The following SGIP1 variants were observed in gnomAD, a reference collection of about 807,000 sequenced individuals.
The protein encoded by SGIP1 is SH3-containing GRB2-like protein 3-interacting protein 1.
A neutral mutation model predicts 107.5 loss-of-function variants in SGIP1; 38 were observed. The observed-to-expected ratio is 0.35, with a 90% CI of 0.27 to 0.46. The LOEUF (loss-of-function observed/expected upper bound fraction) is 0.46. SGIP1 is among the 20% of genes least tolerant of loss of function. SGIP1 has a pLI of 1.00. For synonymous variants in SGIP1, 365 were observed against 366.1 expected, an observed-to-expected ratio of 1.00 and a Z score of 0.03; for missense variants, 929 against 1,019.5, an observed-to-expected ratio of 0.91 and a Z score of 1.21.
At chr1:66,710,183 A>G (rs147451111) in intron 18 of SGIP1, among the ~76,000 whole-genome samples, 2 of 152,268 alleles carry the variant, frequency 1.3e-5, no homozygotes, top group East Asian at 3.9e-4. Context: ...CACTTCAGCT[A>G]AGATTCACAA....
chr1:66,660,628 GT>G, intron 8 of SGIP1, 104 bp downstream of exon 8: 1 of 1,099,718 alleles, frequency 9.1e-7, no homozygotes, highest in South Asian at 1.3e-5. Context: ...CCTAAACAAG[GT>G]TTTGAACTTT....
At position 66,742,363 on chromosome 1, in the gene SGIP1, T is replaced by G. The variant is rs113360672; in HGVS notation, c.2465-710T>G. On this transcript the variant is annotated intron_variant, in intron 24 of 24. Transcript: ENST00000371037. ...AGTGATTTGCTGGGATAAATCCTGGTTTTTTTATGTCTATTGTACTGATGT... is the reference window on the plus strand; with the variant it reads ...AGTGATTTGCTGGGATAAATCCTGGGTTTTTTATGTCTATTGTACTGATGT... Among the ~76,000 whole-genome samples, 1,104 of 151,890 alleles carry G rather than the reference T, an allele frequency of 7.3e-3. 12 individuals are homozygous for G. The highest frequency in any genetic ancestry group is 0.026 in the African/African-American group (1,063 of 41,422).
At chr1:66,634,016 TG>T in intron 3 of SGIP1, 1 of 1,422,678 alleles carries the variant, frequency 7.0e-7, no homozygotes, top group South Asian at 1.2e-5. Context: ...TACCATGAAA[TG>T]TTAAGAAAAT....
Position 66,555,227 on chromosome 1 carries a change from CA to C in SGIP1, c.10+20860del, listed in dbSNP as rs575147365. Among the ~76,000 whole-genome samples the C allele has an allele frequency of 1.9e-4, 29 of 152,242 alleles. No homozygotes were observed. The South Asian group carries it at 6.0e-3, about 32-fold the overall frequency. On this transcript the variant is annotated intron_variant, in intron 1 of 24. Transcript: ENST00000371037. ...CCTTCATGTGTGCCCTCCTCATATACATAGTGCTCACTTCTTGCTCACATCT... is the reference window on the plus strand; with the variant it reads ...CCTTCATGTGTGCCCTCCTCATATACTAGTGCTCACTTCTTGCTCACATCT...
intron 1 of SGIP1, among the ~76,000 whole-genome samples, chr1:66,552,526 T>C (rs2057568050): frequency 6.6e-6 from 1 of 152,130 alleles, no homozygotes; most frequent in South Asian, 2.1e-4. Context: ...ACAGGCAAGT[T>C]TATATAGCAG....
chr1:66,542,529 G>T (rs544150721), intron 1 of SGIP1, among the ~76,000 whole-genome samples: 1 of 152,188 alleles, frequency 6.6e-6, no homozygotes, highest in African/African-American at 2.4e-5. Flanking sequence ...TGACTGAGAC[G>T]ACTACTAAGT....
At chr1:66,671,071 G>T in intron 10 of SGIP1, 52 bp downstream of exon 10, 1 of 967,404 alleles carries the variant, frequency 1.0e-6, no homozygotes, top group Non-Finnish European at 1.6e-6. Flanking sequence ...AGAAAGAACA[G>T]TTCCTTGGAT....
At chr1:66,607,994 A>G (rs2067184361) in intron 1 of SGIP1, among the ~76,000 whole-genome samples, 2 of 152,180 alleles carry the variant, frequency 1.3e-5, no homozygotes, top group East Asian at 1.9e-4. Flanking sequence ...CAGCGTGTAC[A>G]TGGTCAAGGC....
intron 18 of SGIP1, among the ~76,000 whole-genome samples, chr1:66,712,324 C>T (rs906023454): frequency 4.6e-5 from 7 of 152,146 alleles, no homozygotes; most frequent in African/African-American, 1.4e-4. Flanking sequence ...CATGAGCTGG[C>T]TTTGATGACA....
chr1:66,600,021 C>T (rs2065464133), intron 1 of SGIP1, among the ~76,000 whole-genome samples: 1 of 152,140 alleles, frequency 6.6e-6, no homozygotes, highest in African/African-American at 2.4e-5. Flanking sequence ...CTGATAGAAC[C>T]TTTACAAGGT....
At chr1:66,660,477 T>A in intron 7 of SGIP1, 36 bp from the exon 8 acceptor site, 1 of 1,598,008 alleles carries the variant, frequency 6.3e-7, no homozygotes, top group Middle Eastern at 1.7e-4. Context: ...TCTCTCATTT[T>A]CTCTTTATTC....
intron 1 of SGIP1, among the ~76,000 whole-genome samples, chr1:66,581,744 A>G (rs1424738178): frequency 6.6e-6 from 1 of 152,056 alleles, no homozygotes; most frequent in Admixed American, 6.6e-5. Flanking sequence ...TGAAGACTGA[A>G]GAGTGATTAC....
intron 1 of SGIP1, among the ~76,000 whole-genome samples, chr1:66,541,552 T>A (rs10889625): frequency 6.6e-6 from 1 of 152,112 alleles, no homozygotes; most frequent in East Asian, 1.9e-4. Context: ...GTAAATGCCA[T>A]GAAAGTGTCA....
In SGIP1 at chr1:66,668,251, C is replaced by T. The variant is rs935452712; in HGVS notation, c.483+710C>T. Among the ~76,000 whole-genome samples the T allele has an allele frequency of 3.9e-5, 6 of 152,068 alleles. No individual in the cohort carries two copies. The East Asian group carries it at 7.7e-4, about 20-fold the overall frequency. ...TGTTGCCCAGGCTGGAGTGCAGTGG[C>T]GTGATCTCTGCTCACTGCAACCTCC... On this transcript the variant is annotated intron_variant, in intron 9 of 24. Coordinates refer to ENST00000371037, the MANE Select transcript of SGIP1 (RefSeq NM_032291.4).
chr1:66,553,684 A>G (rs1557864575), intron 1 of SGIP1, among the ~76,000 whole-genome samples: 2 of 152,102 alleles, frequency 1.3e-5, no homozygotes, highest in South Asian at 4.2e-4. Flanking sequence ...CAAAAAAAAA[A>G]AAAAAATGAG....
chr1:66,700,263 TG>T (rs2091683860), intron 18 of SGIP1, among the ~76,000 whole-genome samples: 1 of 148,656 alleles, frequency 6.7e-6, no homozygotes, highest in African/African-American at 2.5e-5. Context: ...CCCAGCTACT[TG>T]GGAGGCTGAG....
At chr1:66,728,149 A>C (rs998755270) in intron 19 of SGIP1, among the ~76,000 whole-genome samples, 4 of 152,222 alleles carry the variant, frequency 2.6e-5, no homozygotes, top group African/African-American at 9.6e-5. Context: ...AATGGAATGA[A>C]GAACTAGTTA....
In SGIP1 at chr1:66,535,880, A is replaced by G. The variant is rs148068300; in HGVS notation, c.10+1512A>G. 1.6e-4 allele frequency among the ~76,000 whole-genome samples: 22 copies of G among 137,204 alleles called. No individual in the cohort carries two copies. In the East Asian group the frequency reaches 4.7e-3, roughly 29 times the overall value. 90.0% of individuals were successfully genotyped at this position (137,204 alleles called of 152,430 possible). On this transcript the variant is annotated intron_variant, in intron 1 of 24. Coordinates refer to ENST00000371037, the MANE Select transcript of SGIP1 (RefSeq NM_032291.4). Reference sequence around the variant, plus strand: ...AATATCTTGCCTGTAGAGGTACTGTATTTCTCCAGCTCAACTTCATATAGC... The same window carrying G: ...AATATCTTGCCTGTAGAGGTACTGTGTTTCTCCAGCTCAACTTCATATAGC...
intron 1 of SGIP1, among the ~76,000 whole-genome samples, chr1:66,610,582 T>G (rs1480954769): frequency 2.0e-5 from 3 of 152,156 alleles, no homozygotes; most frequent in Non-Finnish European, 2.9e-5. Flanking sequence ...TGATTAAAAG[T>G]CACCATACAA....
Sources: gnomAD v4.1 joint callset for allele counts (sites outside exome capture counted in the v4.1 genomes callset) on GRCh38, gnomAD v4.1.1 for gene constraint, MANE v1.5 for transcripts, NCBI Gene and HGNC (gene_info 2026-07-23, HGNC 2026-07-21) for gene names.